The following CD36 variants were observed in gnomAD, a reference collection of about 807,000 sequenced individuals.
CD36 encodes CD36 molecule (CD36 blood group), also known as platelet glycoprotein 4.
Under a neutral mutation model 55.2 loss-of-function variants are expected in CD36, and 119 were observed. The ratio of observed to expected loss-of-function variants is 2.15; its 90% CI spans 1.86 to 2.51. The LOEUF (loss-of-function observed/expected upper bound fraction) is 2.51. Ranked by LOEUF, CD36 falls within the 30% of genes most tolerant of loss-of-function variation. CD36 has a pLI of 0.00. For missense variants in CD36, 819 were observed against 555.5 expected, an observed-to-expected ratio of 1.47 and a Z score of -4.77; for synonymous variants, 186 against 193.6, an observed-to-expected ratio of 0.96 and a Z score of 0.33.
chr7:80,663,659 T>A (rs1796741790), intron 6 of CD36, among the ~76,000 whole-genome samples: 1 of 152,138 alleles, frequency 6.6e-6, no homozygotes, highest in Non-Finnish European at 1.5e-5. Context: ...GATTTGTAAA[T>A]AAGAATTTTT....
intron 12 of CD36, 180 bp from the exon 13 acceptor site, chr7:80,673,175 T>G (rs909176893): frequency 5.9e-6 from 3 of 505,396 alleles, no homozygotes; most frequent in Non-Finnish European, 1.1e-5. Flanking sequence ...AAAATCAATG[T>G]GATTAGAAGA....
intron 3 of CD36, among the ~76,000 whole-genome samples, chr7:80,651,032 G>A (rs3211836): frequency 6.6e-6 from 1 of 151,754 alleles, no homozygotes; most frequent in Admixed American, 6.6e-5. Flanking sequence ...ATTTACAAAA[G>A]ATAATTTATC....
At chr7:80,605,894 C>T (rs1354734405) in intron 1 of CD36, among the ~76,000 whole-genome samples, 2 of 152,044 alleles carry the variant, frequency 1.3e-5, no homozygotes, top group Admixed American at 6.6e-5. Flanking sequence ...CTGTGATAAG[C>T]TTAATATACA....
intron 1 of CD36, among the ~76,000 whole-genome samples, chr7:80,628,511 GA>G (rs1325567655): frequency 2.0e-5 from 3 of 152,042 alleles, no homozygotes; most frequent in East Asian, 3.9e-4. Context: ...CCATATTGCA[GA>G]AACACTTTTT....
At chr7:80,650,875 G>T (rs1050141558) in intron 3 of CD36, among the ~76,000 whole-genome samples, 11 of 148,148 alleles carry the variant, frequency 7.4e-5, no homozygotes, top group Middle Eastern at 3.6e-3. Context: ...CAGTATTTTT[G>T]ACCGTGATTC....
chr7:80,660,965 C>A, intron 4 of CD36, 98 bp from the exon 5 acceptor site: 1 of 904,334 alleles, frequency 1.1e-6, no homozygotes, highest in Non-Finnish European at 1.8e-6. Context: ...CTGGCATATT[C>A]TGTGTGTTCA....
chr7:80,671,092 T>A lies in CD36; in HGVS notation c.934T>A (p.Phe312Ile). The change falls in exon 10 of 15, where the codon TTC (phenylalanine) becomes ATC (isoleucine). Residue 312 changes from phenylalanine to isoleucine, a missense_variant. Physicochemically the swap from Phe to Ile is conservative, Grantham distance 21. Coordinates refer to ENST00000447544, the MANE Select transcript of CD36 (RefSeq NM_001001548.3). ...AGTTGAAAACCCAGACAACTATTGT[T>A]TCTGCACAGAAAAAATTATCTCAAA... ...SPVENPDNYC[F>I]CTEKIISKNC... 1 of 1,613,256 alleles carries A rather than the reference T, an allele frequency of 6.2e-7. No individual in the cohort carries two copies. Among genetic ancestry groups the A allele is most frequent in the Non-Finnish European group, 8.5e-7 (1 of 1,179,364 alleles).
chr7:80,647,759 C>G (rs1795281492), intron 3 of CD36, among the ~76,000 whole-genome samples: 1 of 152,132 alleles, frequency 6.6e-6, no homozygotes, highest in South Asian at 2.1e-4. Context: ...CTGCTGTGAA[C>G]TAGACTGTGT....
At chr7:80,620,261 C>T (rs939706695) in intron 1 of CD36, among the ~76,000 whole-genome samples, 1 of 152,028 alleles carries the variant, frequency 6.6e-6, no homozygotes, top group Non-Finnish European at 1.5e-5. Context: ...ATAGTTAGAT[C>T]CCACAGGTTG....
At chr7:80,655,687 C>T (rs1054517) in intron 3 of CD36, among the ~76,000 whole-genome samples, 63,452 of 151,890 alleles carry the variant, frequency 0.42, 13,665 homozygotes, top group South Asian at 0.68. Context: ...TGCAGTGGCT[C>T]ACACCTGTAA....
chr7:80,646,259 C>A (rs980142670), intron 2 of CD36, 78 bp downstream of exon 2: 1 of 184,790 alleles, frequency 5.4e-6, no homozygotes, highest in Non-Finnish European at 1.2e-5. Context: ...ACATTCTGTT[C>A]GCAGGAGAGC....
chr7:80,602,637 G>C (rs1562763407), intron 1 of CD36, among the ~76,000 whole-genome samples: 2 of 152,114 alleles, frequency 1.3e-5, no homozygotes, highest in South Asian at 4.2e-4. Context: ...ATTTCTAGTT[G>C]CCTAGTTCAT....
upstream of CD36, among the ~76,000 whole-genome samples, chr7:80,636,445 C>A (rs900366533): frequency 2.0e-5 from 3 of 151,416 alleles, no homozygotes; most frequent in African/African-American, 7.3e-5. Flanking sequence ...CAGTTAACTT[C>A]CAATTACAAG....
At chr7:80,627,824 C>T (rs1050535345) in intron 1 of CD36, among the ~76,000 whole-genome samples, 1 of 151,974 alleles carries the variant, frequency 6.6e-6, no homozygotes, top group Non-Finnish European at 1.5e-5. Context: ...TGGTACATTG[C>T]ATCATTTAAA....
chr7:80,633,960 T>G (rs746580948), upstream of CD36, among the ~76,000 whole-genome samples: 3 of 151,456 alleles, frequency 2.0e-5, no homozygotes, highest in Non-Finnish European at 4.4e-5. Flanking sequence ...CTAGACATTA[T>G]TTTGCTCTTA....
chr7:80,664,661 G>C (rs1030623272), intron 7 of CD36, among the ~76,000 whole-genome samples, 164 bp downstream of exon 7: 2 of 152,024 alleles, frequency 1.3e-5, no homozygotes, highest in Non-Finnish European at 2.9e-5. Context: ...CTCTTTAGTT[G>C]TGGTAACTGG....
At chr7:80,675,593 T>C (rs1365668814) in intron 14 of CD36, among the ~76,000 whole-genome samples, 1 of 152,126 alleles carries the variant, frequency 6.6e-6, no homozygotes, top group East Asian at 1.9e-4. Flanking sequence ...GTGGAAAAAT[T>C]ACTACCCTTT....
chr7:80,623,014 T>A (rs1793554930), intron 1 of CD36, among the ~76,000 whole-genome samples: 1 of 152,068 alleles, frequency 6.6e-6, no homozygotes, highest in African/African-American at 2.4e-5. Flanking sequence ...ACTTTTTTTT[T>A]TTTTTTACTC....
intron 1 of CD36, among the ~76,000 whole-genome samples, chr7:80,608,067 G>A (rs1792667264): frequency 1.3e-5 from 2 of 152,082 alleles, no homozygotes; most frequent in South Asian, 4.1e-4. Context: ...ATATAACCTT[G>A]TTAATGTGTT....
Sources: gnomAD v4.1 joint callset for allele counts (sites outside exome capture counted in the v4.1 genomes callset) on GRCh38, gnomAD v4.1.1 for gene constraint, MANE v1.5 for transcripts, NCBI Gene and HGNC (gene_info 2026-07-23, HGNC 2026-07-21) for gene names.